Variants in CYP24A1 observed in about 807,000 individuals in gnomAD.
The protein encoded by CYP24A1 is 1,25-dihydroxyvitamin D(3) 24-hydroxylase, mitochondrial.
Under a neutral mutation model 62.4 loss-of-function variants are expected in CYP24A1, and 68 were observed. The ratio of observed to expected loss-of-function variants is 1.09; its 90% confidence interval spans 0.90 to 1.33. The LOEUF (loss-of-function observed/expected upper bound fraction) is 1.33. Among genes scored for constraint, CYP24A1 ranks in the 40% most tolerant of loss-of-function variants. The pLI is 0.00. For synonymous variants in CYP24A1, 267 were observed against 253.0 expected, an observed-to-expected ratio of 1.06 and a Z score of -0.52; for missense variants, 787 against 653.0, an observed-to-expected ratio of 1.21 and a Z score of -2.24.
At chr20:54,150,578 G>A (rs1281199744), downstream of CYP24A1, among the ~76,000 whole-genome samples, 6 of 151,988 alleles carry the variant, frequency 3.9e-5, no homozygotes, top group South Asian at 4.2e-4. Flanking sequence ...CATCGGCCTC[G>A]GCCTCCCAAA....
intron 2 of CYP24A1, 74 bp downstream of exon 2, chr20:54,172,835 C>G: frequency 6.2e-7 from 1 of 1,607,796 alleles, no homozygotes; most frequent in Non-Finnish European, 8.5e-7. Flanking sequence ...CTAACTCCGC[C>G]TCTTCACAAT....
downstream of CYP24A1, among the ~76,000 whole-genome samples, chr20:54,151,673 T>C (rs1371670463): frequency 6.6e-6 from 1 of 152,122 alleles, no homozygotes; most frequent in African/African-American, 2.4e-5. Flanking sequence ...CAGGAGAATC[T>C]GCCTTTCTCC....
chr20:54,173,695 C>A lies in CYP24A1; in HGVS notation c.-116G>T. On this transcript the variant is annotated 5_prime_UTR_variant, in exon 1 of 12. Coordinates refer to ENST00000216862, the MANE Select transcript of CYP24A1 (RefSeq NM_000782.5). This position sits in a 1 kb window ranked among gnomAD's most constrained non-coding sequence, Gnocchi z 7.2. ...TTCTGGGAAAAGGAAGCAAAGAGGG[C>A]CAGCTGGTGTGATGGAGCGGGGTGA... The A allele has an allele frequency of 1.4e-6, 1 of 704,632 alleles. No homozygotes were observed. Among genetic ancestry groups the A allele is most frequent in the Admixed American group, 2.5e-5 (1 of 40,636 alleles). The allele number at this position is 704,632 out of a possible 1,614,324, so 43.6% of individuals were successfully genotyped here.
Position 54,173,244 on chromosome 20 carries a change from C to T in CYP24A1, c.258+78G>A, listed in dbSNP as rs2092701009. 1.3e-6 allele frequency: 2 copies of T among 1,523,196 alleles called. No individual in the cohort carries two copies. The highest frequency in any genetic ancestry group is 9.1e-7 in the Non-Finnish European group (1 of 1,104,094). The allele number at this position is 1,523,196 out of a possible 1,614,324, so 94.4% of individuals were successfully genotyped here. On this transcript the variant is annotated intron_variant, in intron 1 of 11. Coordinates refer to ENST00000216862, the MANE Select transcript of CYP24A1 (RefSeq NM_000782.5). The surrounding 1 kb of genome is among the most constrained non-coding windows in gnomAD (Gnocchi z 7.2). ...AAGCGCACCATGCGCCCGAGGCGCG[C>T]ATGTCGGGGAGGGTTTGGAGCGCCA...
chr20:54,158,227 T>C, intron 8 of CYP24A1, 63 bp from the exon 9 acceptor site: 4 of 1,606,146 alleles, frequency 2.5e-6, no homozygotes, highest in East Asian at 2.2e-5. Flanking sequence ...GAAGTGTCAA[T>C]GGGAATGCAG....
chr20:54,173,638 A>C lies in CYP24A1; in HGVS notation c.-59T>G. 1 of 1,320,700 alleles carries C rather than the reference A, an allele frequency of 7.6e-7. No individual in the cohort carries two copies. Among genetic ancestry groups the C allele is most frequent in the South Asian group, 1.3e-5 (1 of 78,098 alleles). 81.8% of individuals were successfully genotyped at this position (1,320,700 alleles called of 1,614,324 possible). A position where few individuals can be genotyped will look rare whatever the true frequency, so the allele number is the denominator to read the frequency against. ...GAGGATGGGGTGGGGCGAGGTTGGT[A>C]CGAGGTGCTAGTGGGAGTCGGGGCT... On this transcript the variant is annotated 5_prime_UTR_variant, in exon 1 of 12. Transcript: ENST00000216862. The surrounding 1 kb of genome is among the most constrained non-coding windows in gnomAD (Gnocchi z 7.2).
chr20:54,155,873 T>G (rs1440299229), intron 11 of CYP24A1, among the ~76,000 whole-genome samples: 1 of 152,052 alleles, frequency 6.6e-6, no homozygotes, highest in East Asian at 1.9e-4. Context: ...AAGGAAATTA[T>G]TACTCAGGAC....
Position 54,173,633 on chromosome 20 carries a change from T to C in CYP24A1, c.-54A>G. On this transcript the variant is annotated 5_prime_UTR_variant, in exon 1 of 12. Coordinates refer to ENST00000216862, the MANE Select transcript of CYP24A1 (RefSeq NM_000782.5). This position sits in a 1 kb window ranked among gnomAD's most constrained non-coding sequence, Gnocchi z 7.2. The stretch of plus-strand genomic sequence containing the variant: ...GGCAGGAGGATGGGGTGGGGCGAGG[T>C]TGGTACGAGGTGCTAGTGGGAGTCG... The C allele has an allele frequency of 1.4e-5, 19 of 1,404,294 alleles. No homozygotes were observed. The highest frequency in any genetic ancestry group is 1.8e-5 in the Non-Finnish European group (19 of 1,027,980). 87.0% of individuals were successfully genotyped at this position (1,404,294 alleles called of 1,614,324 possible). A position where few individuals can be genotyped will look rare whatever the true frequency, so the allele number is the denominator to read the frequency against.
chr20:54,157,982 A>C, intron 9 of CYP24A1, 104 bp downstream of exon 9: 1 of 1,554,478 alleles, frequency 6.4e-7, no homozygotes, highest in Non-Finnish European at 8.7e-7. Context: ...CTGCATTCCC[A>C]AAATGAATAT....
At chr20:54,153,122 G>C (rs575054110), downstream of CYP24A1, among the ~76,000 whole-genome samples, 36 of 152,246 alleles carry the variant, frequency 2.4e-4, no homozygotes, top group Non-Finnish European at 4.1e-4. Context: ...TGTCATGAAA[G>C]ATACAAGAGA....
At chr20:54,169,249 A>G (rs2092685477) in intron 4 of CYP24A1, among the ~76,000 whole-genome samples, 1 of 151,982 alleles carries the variant, frequency 6.6e-6, no homozygotes, top group Non-Finnish European at 1.5e-5. Flanking sequence ...TACTCCTTGG[A>G]AGAGTATATT....
At chr20:54,171,746 C>T in intron 2 of CYP24A1, 76 bp from the exon 3 acceptor site, 1 of 1,612,458 alleles carries the variant, frequency 6.2e-7, no homozygotes, top group Non-Finnish European at 8.5e-7. Flanking sequence ...CCAGCTGCAA[C>T]TTCAGGAACC....
the CYP24A1 span, among the ~76,000 whole-genome samples, chr20:54,145,091 T>C: frequency 6.6e-6 from 1 of 152,210 alleles, no homozygotes; most frequent in Non-Finnish European, 1.5e-5. Flanking sequence ...TATGCTAGAA[T>C]AGCTTATCCT....
At chr20:54,150,262 T>G (rs542439018), downstream of CYP24A1, among the ~76,000 whole-genome samples, 1 of 152,356 alleles carries the variant, frequency 6.6e-6, no homozygotes, top group East Asian at 1.9e-4. Flanking sequence ...CCCAGTGCGC[T>G]TTCTCGCTAA....
chr20:54,166,110 C>G lies in CYP24A1; in HGVS notation c.641-277G>C, dbSNP rs138041847. Among the ~76,000 whole-genome samples, 173 of 152,284 alleles carry G rather than the reference C, an allele frequency of 1.1e-3. 1 individual carries two copies. Among genetic ancestry groups the G allele is most frequent in the African/African-American group, 3.5e-3 (146 of 41,556 alleles). ...GTCCTGATCAAGTCACACAGGAGAT[C>G]CAGGGGCCCTAGCAAAGGTGCTGCA... On this transcript the variant is annotated intron_variant, in intron 4 of 11. Coordinates refer to ENST00000216862, the MANE Select transcript of CYP24A1 (RefSeq NM_000782.5).
At chr20:54,164,405 G>A (rs747308046) in intron 6 of CYP24A1, 47 bp downstream of exon 6, 11 of 1,613,312 alleles carry the variant, frequency 6.8e-6, no homozygotes, top group East Asian at 2.2e-5. Context: ...CTCCAGACAC[G>A]GGGGTGCTGG....
At chr20:54,147,161 T>C in the CYP24A1 span, among the ~76,000 whole-genome samples, 741 of 152,324 alleles carry the variant, frequency 4.9e-3, 5 homozygotes, top group African/African-American at 0.017. Flanking sequence ...CTGAGCAAGA[T>C]ACTTAACTTC....
chr20:54,167,953 C>T (rs968976086), intron 4 of CYP24A1, among the ~76,000 whole-genome samples: 2 of 152,210 alleles, frequency 1.3e-5, no homozygotes, highest in Non-Finnish European at 2.9e-5. Context: ...CTCCCGGTTA[C>T]TTACAGGCTA....
At chr20:54,150,106 C>CA (rs1207066197), downstream of CYP24A1, among the ~76,000 whole-genome samples, 1 of 152,044 alleles carries the variant, frequency 6.6e-6, no homozygotes, top group Non-Finnish European at 1.5e-5. Context: ...TGATTTTTCA[C>CA]AAAAAAATTT....
Sources: gnomAD v4.1 joint callset for allele counts (sites outside exome capture counted in the v4.1 genomes callset) on GRCh38, gnomAD v4.1.1 for gene constraint, Gnocchi (gnomAD v3.1) non-coding constraint, MANE v1.5 for transcripts, NCBI Gene and HGNC (gene_info 2026-07-23, HGNC 2026-07-21) for gene names.